The following DIP2C variants were observed in gnomAD, a reference collection of about 807,000 sequenced individuals.
DIP2C encodes the protein disco-interacting protein 2 homolog C.
A neutral mutation model predicts 192.4 loss-of-function variants in DIP2C; 33 were observed. The observed-to-expected ratio is 0.17, with a 90% CI of 0.13 to 0.23. The LOEUF (loss-of-function observed/expected upper bound fraction) is 0.23, where lower values mean the gene tolerates loss of function less well. Ranked by LOEUF, DIP2C falls within the 10% of genes least tolerant of loss-of-function variation. The pLI is 1.00. For synonymous variants in DIP2C, 979 were observed against 864.1 expected (o/e 1.13, Z -2.33); for missense variants, 1,537 against 2,110.1 (o/e 0.73, Z 5.32).
At chr10:485,667 T>A (rs1324022750) in intron 2 of DIP2C, among the ~76,000 whole-genome samples, 1 of 152,192 alleles carries the variant, frequency 6.6e-6, no homozygotes, top group Non-Finnish European at 1.5e-5. Context: ...GGTGTGGACA[T>A]GTGCATCCTT....
At position 315,934 on chromosome 10, in the gene DIP2C, G is replaced by A. The variant is rs191445846; in HGVS notation, c.3925-5842C>T. The stretch of plus-strand genomic sequence containing the variant: ...TCATTCAATGAGTCTTTCCTCTGCT[G>A]TATCTAGTCTCCTATTAAACCATGG... On this transcript the variant is annotated intron_variant, in intron 31 of 36. Transcript: ENST00000280886. 5.8e-4 allele frequency among the ~76,000 whole-genome samples: 89 copies of A among 152,208 alleles called. 1 individual carries two copies. The highest frequency in any genetic ancestry group is 1.9e-3 in the African/African-American group (77 of 41,530).
intron 1 of DIP2C, among the ~76,000 whole-genome samples, chr10:492,646 G>A (rs1271180970): frequency 1.3e-5 from 2 of 152,176 alleles, no homozygotes; most frequent in South Asian, 2.1e-4. Context: ...TTAACGGTAG[G>A]AGCAGGAAAG....
intron 2 of DIP2C, among the ~76,000 whole-genome samples, chr10:483,755 G>T (rs576311361): frequency 2.0e-5 from 3 of 152,308 alleles, no homozygotes; most frequent in Admixed American, 6.5e-5. Context: ...GAGGCGGGGT[G>T]TCCTCTTCTG....
intron 10 of DIP2C, 34 bp from the exon 11 acceptor site, chr10:390,897 C>T (rs377570706): frequency 4.8e-5 from 77 of 1,610,054 alleles, no homozygotes; most frequent in East Asian, 1.6e-4. Flanking sequence ...TGAGAATCCA[C>T]GACCTGCCCC....
At chr10:539,464 G>A (rs1370431724) in intron 1 of DIP2C, among the ~76,000 whole-genome samples, 1 of 152,234 alleles carries the variant, frequency 6.6e-6, no homozygotes, top group African/African-American at 2.4e-5. Context: ...TATGTCATAT[G>A]CAAACACTAT....
intron 17 of DIP2C, among the ~76,000 whole-genome samples, chr10:376,557 C>T (rs1031800641): frequency 1.5e-5 from 2 of 135,288 alleles, no homozygotes; most frequent in African/African-American, 2.8e-5. Flanking sequence ...GAGGAAGTGT[C>T]TTTTTTTTTT....
intron 1 of DIP2C, among the ~76,000 whole-genome samples, chr10:500,436 C>T (rs1405815464): frequency 6.6e-6 from 1 of 152,260 alleles, no homozygotes; most frequent in Non-Finnish European, 1.5e-5. Context: ...CTGCAGCTTT[C>T]ACTTGGCCCT....
In DIP2C at chr10:325,038, G is replaced by A. The variant is rs543207746; in HGVS notation, c.3924+1968C>T. Reference sequence around the variant, plus strand: ...CCCAGCACTTTAGGAGGCAAAGGAAGGCGGATCATGAGGTCAGGAGATCAA... The same window carrying A: ...CCCAGCACTTTAGGAGGCAAAGGAAAGCGGATCATGAGGTCAGGAGATCAA... On this transcript the variant is annotated intron_variant, in intron 31 of 36. Coordinates refer to ENST00000280886, the MANE Select transcript of DIP2C (RefSeq NM_014974.3). 230 of 490,654 alleles carry A rather than the reference G, an allele frequency of 4.7e-4. 1 individual carries two copies. Among genetic ancestry groups the A allele is most frequent in the Admixed American group, 1.9e-3 (83 of 44,174 alleles). The allele number at this position is 490,654 out of a possible 1,614,324, so 30.4% of individuals were successfully genotyped here. A position where few individuals can be genotyped will look rare whatever the true frequency, so the allele number is the denominator to read the frequency against.
chr10:390,528 C>A (rs1363439384), intron 11 of DIP2C, among the ~76,000 whole-genome samples, 155 bp from the exon 12 acceptor site: 1 of 151,366 alleles, frequency 6.6e-6, no homozygotes, highest in Non-Finnish European at 1.5e-5. Flanking sequence ...AACAGAAGAG[C>A]ACCCAAGCCG....
chr10:685,151 A>T (rs1831270523), intron 1 of DIP2C, among the ~76,000 whole-genome samples: 15 of 46,728 alleles, frequency 3.2e-4, no homozygotes, highest in African/African-American at 1.3e-3. Context: ...AAAAAAAAAA[A>T]AAAAAAAAAA....
chr10:467,511 C>G (rs1290790638), intron 3 of DIP2C, among the ~76,000 whole-genome samples: 1 of 135,054 alleles, frequency 7.4e-6, no homozygotes, highest in Non-Finnish European at 1.5e-5. Context: ...TGCACATGTA[C>G]CCTAAAACTT....
intron 16 of DIP2C, among the ~76,000 whole-genome samples, chr10:383,026 G>C (rs1962518028): frequency 6.6e-6 from 1 of 152,152 alleles, no homozygotes; most frequent in African/African-American, 2.4e-5. Context: ...TCTGAGACTT[G>C]TTCCACCATT....
chr10:415,447 G>C (rs1249710782), intron 7 of DIP2C, among the ~76,000 whole-genome samples: 1 of 152,160 alleles, frequency 6.6e-6, no homozygotes, highest in Admixed American at 6.5e-5. Flanking sequence ...GCCAGCGAAG[G>C]ATTTCCCCAG....
chr10:367,606 CTT>C (rs1184686769), intron 18 of DIP2C, among the ~76,000 whole-genome samples: 3 of 152,144 alleles, frequency 2.0e-5, no homozygotes, highest in Non-Finnish European at 4.4e-5. Context: ...CGGCAGTTCT[CTT>C]TGAAACACAA....
At chr10:527,046 A>T (rs1260941117) in intron 1 of DIP2C, among the ~76,000 whole-genome samples, 1 of 152,202 alleles carries the variant, frequency 6.6e-6, no homozygotes, top group Non-Finnish European at 1.5e-5. Context: ...GTCTGCAGTG[A>T]GCCACCACAC....
intron 1 of DIP2C, among the ~76,000 whole-genome samples, chr10:561,641 G>A (rs1849224746): frequency 6.6e-6 from 1 of 152,094 alleles, no homozygotes; most frequent in Admixed American, 6.6e-5. Context: ...GCCAGTCACA[G>A]CTTCCTTCAA....
intron 1 of DIP2C, among the ~76,000 whole-genome samples, chr10:490,114 T>G (rs1190441346): frequency 4.1e-5 from 2 of 48,242 alleles, no homozygotes. Context: ...CGGTGCCTGG[T>G]CCTTCCTCCA....
At chr10:501,078 T>C (rs1845192378) in intron 1 of DIP2C, among the ~76,000 whole-genome samples, 1 of 152,330 alleles carries the variant, frequency 6.6e-6, no homozygotes, top group Middle Eastern at 3.4e-3. Flanking sequence ...CTGAGGCCAG[T>C]GAGCTGCGGG....
intron 1 of DIP2C, among the ~76,000 whole-genome samples, chr10:546,342 AGC>A (rs1258398311): frequency 1.3e-5 from 2 of 152,114 alleles, no homozygotes; most frequent in African/African-American, 2.4e-5. Context: ...GTTAATAAAC[AGC>A]ACAGTCTTAA....
Sources: gnomAD v4.1 joint callset for allele counts (sites outside exome capture counted in the v4.1 genomes callset) on GRCh38, gnomAD v4.1.1 for gene constraint, MANE v1.5 for transcripts, NCBI Gene and HGNC (gene_info 2026-07-23, HGNC 2026-07-21) for gene names.